Variants in NHS observed in about 807,000 individuals in gnomAD.
The protein encoded by NHS is NHS actin remodeling regulator, also known as actin remodeling regulator NHS.
Under a neutral mutation model 72.5 loss-of-function variants are expected in NHS, and 5 were observed. The observed-to-expected ratio is 0.07, with a 90% CI of 0.04 to 0.14. The LOEUF is 0.14. Among genes scored for constraint, NHS ranks in the 10% least tolerant of loss-of-function variants. The probability of loss-of-function intolerance (pLI) is 1.00; values close to 1 mark genes in which losing one functional copy is unlikely to be tolerated. For synonymous variants in NHS, 464 were observed against 547.7 expected (o/e 0.85, Z 2.13); for missense variants, 1,072 against 1,355.7 (o/e 0.79, Z 3.29).
chrX:17,532,311 C>T (rs896927060), intron 1 of NHS, among the ~76,000 whole-genome samples: 4 of 111,034 alleles, frequency 3.6e-5, no homozygotes, highest in South Asian at 3.8e-4. Flanking sequence ...ATCAATCCAT[C>T]GAGGCACACT....
At chrX:17,547,938 C>T (rs945488823) in intron 1 of NHS, among the ~76,000 whole-genome samples, 35 of 111,612 alleles carry the variant, frequency 3.1e-4, no homozygotes, top group African/African-American at 1.1e-3. Context: ...GAGGCTAGTC[C>T]GGGCTTGTTC....
intron 1 of NHS, among the ~76,000 whole-genome samples, chrX:17,480,029 A>G (rs1429673151): frequency 9.0e-6 from 1 of 111,531 alleles, no homozygotes; most frequent in African/African-American, 3.3e-5. Context: ...CTCATTTGCA[A>G]TTGCTACAAA....
chrX:17,691,518 C>G (rs1394029697), intron 2 of NHS, among the ~76,000 whole-genome samples: 2 of 111,656 alleles, frequency 1.8e-5, no homozygotes, highest in Non-Finnish European at 3.8e-5. Flanking sequence ...ATCTTCTAGA[C>G]ACAGACACTA....
At chrX:17,454,083 GAT>G (rs771017583) in intron 1 of NHS, among the ~76,000 whole-genome samples, 3 of 112,033 alleles carry the variant, frequency 2.7e-5, no homozygotes, top group Non-Finnish European at 5.6e-5. Context: ...GTTATTGAAT[GAT>G]ATGAGTCCTT....
chrX:17,464,076 C>T (rs1354971246), intron 1 of NHS, among the ~76,000 whole-genome samples: 1 of 111,581 alleles, frequency 9.0e-6, no homozygotes, highest in African/African-American at 3.3e-5. Flanking sequence ...AGGTTTATGG[C>T]TGGCTTTGGG....
At position 17,719,390 on chromosome X, in the gene NHS, C is replaced by A. The variant is rs2066392037; in HGVS notation, c.899C>A (p.Thr300Asn). Residue 300 changes from threonine (T) to asparagine (N), a missense_variant, in exon 4 of 9, where the codon ACC becomes AAC. Coordinates refer to ENST00000676302, the MANE Select transcript of NHS (RefSeq NM_001291867.2). ...TCCCCCACTGAATGTTGCCACATGA[C>A]CCCGTGGAGTAGAAAGGTATTGGTT... ...SPSPTECCHM[T>N]PWSRKSHPPE... 8.6e-7 allele frequency: 1 copy of A among 1,165,447 alleles called. No homozygotes were observed. The highest frequency in any genetic ancestry group is 1.1e-6 in the Non-Finnish European group (1 of 871,036).
chrX:17,593,031 A>G (rs1361179216), intron 1 of NHS, among the ~76,000 whole-genome samples: 1 of 112,513 alleles, frequency 8.9e-6, no homozygotes, highest in Non-Finnish European at 1.9e-5. Flanking sequence ...AGCTTGGCCA[A>G]GGACATTCAA....
chrX:17,642,400 T>C (rs138777009), intron 1 of NHS, among the ~76,000 whole-genome samples: 77 of 112,164 alleles, frequency 6.9e-4, no homozygotes, highest in African/African-American at 2.3e-3. Context: ...CTACTGTTAT[T>C]ATCATTGCAA....
chrX:17,614,194 C>G (rs906633479), intron 1 of NHS, among the ~76,000 whole-genome samples: 1 of 112,316 alleles, frequency 8.9e-6, no homozygotes, highest in Non-Finnish European at 1.9e-5. Context: ...CCTCACTTTT[C>G]AGAGGCGTGG....
intron 1 of NHS, among the ~76,000 whole-genome samples, chrX:17,488,389 G>A (rs1172051339): frequency 9.0e-6 from 1 of 111,177 alleles, no homozygotes; most frequent in Non-Finnish European, 1.9e-5. Flanking sequence ...TTTTGGTGCG[G>A]GAAGGGATGG....
chrX:17,594,909 G>A lies in NHS; in HGVS notation c.566-92833G>A, dbSNP rs1191358689. On this transcript the variant is annotated intron_variant, in intron 1 of 8. Coordinates refer to ENST00000676302, the MANE Select transcript of NHS (RefSeq NM_001291867.2). ...GCCTTTTGTACCATGCTATCAGCCAGTCATTAGCTATGGGCTGCCTCTGGG... is the reference window on the plus strand; with the variant it reads ...GCCTTTTGTACCATGCTATCAGCCAATCATTAGCTATGGGCTGCCTCTGGG... 1.3e-4 allele frequency among the ~76,000 whole-genome samples: 15 copies of A among 112,478 alleles called. No homozygotes were observed. The Admixed American group carries it at 1.4e-3, about 11-fold the overall frequency.
At chrX:17,396,761 A>T (rs2064477037) in intron 1 of NHS, among the ~76,000 whole-genome samples, 1 of 112,022 alleles carries the variant, frequency 8.9e-6, no homozygotes, top group Non-Finnish European at 1.9e-5. Context: ...TATGGCAGGA[A>T]AAATATATCC....
intron 1 of NHS, among the ~76,000 whole-genome samples, chrX:17,545,548 G>A (rs2065288391): frequency 8.9e-6 from 1 of 111,833 alleles, no homozygotes; most frequent in East Asian, 2.8e-4. Flanking sequence ...GAGCAATTGG[G>A]AAATGTAGTC....
At chrX:17,683,881 G>C (rs1417902661) in intron 1 of NHS, among the ~76,000 whole-genome samples, 1 of 111,786 alleles carries the variant, frequency 8.9e-6, no homozygotes, top group Non-Finnish European at 1.9e-5. Context: ...AAAGTAGTGG[G>C]AGTGTGCATT....
intron 1 of NHS, among the ~76,000 whole-genome samples, chrX:17,527,358 C>T (rs1366605920): frequency 8.8e-6 from 1 of 113,419 alleles, no homozygotes; most frequent in Non-Finnish European, 1.9e-5. Context: ...GAGGGCCCTG[C>T]CAGCTTCCCT....
chrX:17,656,199 C>T (rs1457604256), intron 1 of NHS, among the ~76,000 whole-genome samples: 4 of 112,967 alleles, frequency 3.5e-5, no homozygotes, highest in Non-Finnish European at 7.5e-5. Context: ...GGCGGCGCGC[C>T]CAGGGCGCAC....
At chrX:17,427,682 T>G (rs1162129275) in intron 1 of NHS, among the ~76,000 whole-genome samples, 1 of 112,516 alleles carries the variant, frequency 8.9e-6, no homozygotes, top group African/African-American at 3.2e-5. Context: ...AGTTCTGTCT[T>G]GCACAGATAA....
intron 8 of NHS, 110 bp downstream of exon 8, chrX:17,728,885 C>A: frequency 1.0e-6 from 1 of 995,944 alleles, no homozygotes; most frequent in Non-Finnish European, 1.4e-6. Flanking sequence ...AATTGTAATA[C>A]ATTCAGCAAA....
At chrX:17,534,834 C>T (rs375933181) in intron 1 of NHS, among the ~76,000 whole-genome samples, 39 of 112,411 alleles carry the variant, frequency 3.5e-4, no homozygotes, top group African/African-American at 1.0e-3. Flanking sequence ...TCCCAGTGCA[C>T]ACCTGGAGAG....
Sources: gnomAD v4.1 joint callset for allele counts (sites outside exome capture counted in the v4.1 genomes callset) on GRCh38, gnomAD v4.1.1 for gene constraint, MANE v1.5 for transcripts, NCBI Gene and HGNC (gene_info 2026-07-23, HGNC 2026-07-21) for gene names.